The following TSPAN18 variants were observed in gnomAD, a reference collection of about 807,000 sequenced individuals.
TSPAN18 encodes tetraspanin-18.
A neutral mutation model predicts 27.3 loss-of-function variants in TSPAN18; 14 were observed. The observed-to-expected ratio is 0.51, with a 90% confidence interval of 0.34 to 0.80. TSPAN18 has a LOEUF of 0.80. TSPAN18 is among the 30% of genes least tolerant of loss of function. TSPAN18 has a pLI of 0.01. For missense variants in TSPAN18, 268 were observed against 323.9 expected, an observed-to-expected ratio of 0.83 and a Z score of 1.32; for synonymous variants, 143 against 136.5, an observed-to-expected ratio of 1.05 and a Z score of -0.33.
At chr11:44,824,826 C>T (rs1344127261) in intron 2 of TSPAN18, among the ~76,000 whole-genome samples, 1 of 152,224 alleles carries the variant, frequency 6.6e-6, no homozygotes, top group African/African-American at 2.4e-5. Context: ...GTGTCTGATG[C>T]TTCTGCGGGG....
chr11:44,903,320 A>G (rs1490511423), intron 3 of TSPAN18: 1 of 428,084 alleles, frequency 2.3e-6, no homozygotes, highest in Non-Finnish European at 4.7e-6. Flanking sequence ...AGGGATCAGC[A>G]TGAGCAGAGG....
chr11:44,894,978 G>A (rs571308894), intron 3 of TSPAN18, among the ~76,000 whole-genome samples: 22 of 152,296 alleles, frequency 1.4e-4, no homozygotes, highest in Admixed American at 5.2e-4. Context: ...GAACTCAGAC[G>A]AGTTAGTTAC....
At chr11:44,734,106 C>T (rs955225958) in intron 1 of TSPAN18, among the ~76,000 whole-genome samples, 1 of 152,126 alleles carries the variant, frequency 6.6e-6, no homozygotes, top group African/African-American at 2.4e-5. Context: ...CCTCTCACCA[C>T]ATGATCTCTG....
At chr11:44,865,619 G>A (rs1295403456) in intron 3 of TSPAN18, among the ~76,000 whole-genome samples, 1 of 152,184 alleles carries the variant, frequency 6.6e-6, no homozygotes, top group Non-Finnish European at 1.5e-5. Context: ...AACCCCATCA[G>A]TCCCTTTTCC....
At chr11:44,912,841 CAT>C (rs746630123) in intron 5 of TSPAN18, among the ~76,000 whole-genome samples, 9 of 149,138 alleles carry the variant, frequency 6.0e-5, no homozygotes, top group Non-Finnish European at 8.9e-5. Flanking sequence ...GCATGGGTGT[CAT>C]GTGTGCGTGG....
At chr11:44,908,297 C>T (rs78168012) in intron 4 of TSPAN18, among the ~76,000 whole-genome samples, 1,900 of 152,202 alleles carry the variant, frequency 0.012, 15 homozygotes, top group Middle Eastern at 0.024. Context: ...GCCCAGCTGT[C>T]AACCCTCACA....
intron 2 of TSPAN18, among the ~76,000 whole-genome samples, chr11:44,819,332 G>C (rs1856879331): frequency 6.6e-6 from 1 of 152,184 alleles, no homozygotes. Context: ...CTTGACTTCT[G>C]AGGAATAGAT....
At chr11:44,802,200 G>A (rs1191525440) in intron 2 of TSPAN18, among the ~76,000 whole-genome samples, 7 of 151,920 alleles carry the variant, frequency 4.6e-5, no homozygotes, top group Non-Finnish European at 7.4e-5. Context: ...AGTGGAATAC[G>A]GCAGCCCCTG....
chr11:44,833,729 G>A (rs561327865), intron 2 of TSPAN18, among the ~76,000 whole-genome samples: 3 of 151,896 alleles, frequency 2.0e-5, no homozygotes, highest in Non-Finnish European at 4.4e-5. Context: ...AGAAGATGCC[G>A]GCAACTGCAG....
intron 4 of TSPAN18, among the ~76,000 whole-genome samples, chr11:44,908,928 T>C (rs1859606817): frequency 6.6e-6 from 1 of 152,196 alleles, no homozygotes; most frequent in African/African-American, 2.4e-5. Flanking sequence ...AGTCTTCTTT[T>C]GACCACAAGG....
intron 2 of TSPAN18, among the ~76,000 whole-genome samples, chr11:44,808,721 A>G (rs1311410547): frequency 1.3e-5 from 2 of 152,162 alleles, no homozygotes; most frequent in Non-Finnish European, 2.9e-5. Flanking sequence ...GTTTCTTGGA[A>G]ATTGATATTC....
chr11:44,913,087 A>G (rs1193604103), intron 5 of TSPAN18, among the ~76,000 whole-genome samples: 1 of 152,222 alleles, frequency 6.6e-6, no homozygotes, highest in African/African-American at 2.4e-5. Context: ...CGAAGAGGGC[A>G]TGGAGCCTCA....
At chr11:44,905,170 C>T (rs1311786308) in intron 3 of TSPAN18, among the ~76,000 whole-genome samples, 1 of 152,084 alleles carries the variant, frequency 6.6e-6, no homozygotes, top group Non-Finnish European at 1.5e-5. Flanking sequence ...CTCCCAGAAA[C>T]CCTTTGAGTC....
intron 3 of TSPAN18, among the ~76,000 whole-genome samples, chr11:44,861,875 G>T (rs1301577041): frequency 6.7e-6 from 1 of 150,148 alleles, no homozygotes; most frequent in African/African-American, 2.5e-5. Flanking sequence ...GGTACTTCAC[G>T]TTCCAAAAAG....
rs1208195764 is a variant in TSPAN18 at position 44,919,958 on chromosome 11, G to A, written c.574G>A (p.Glu192Lys). 6.2e-7 allele frequency: 1 copy of A among 1,614,172 alleles called. No individual in the cohort carries two copies. The highest frequency in any genetic ancestry group is 2.2e-5 in the East Asian group (1 of 44,886). The change falls in exon 8 of 10, where the codon GAG becomes AAG. Residue 192 changes from glutamate (E) to lysine (K), a missense_variant. By Grantham distance (56) the Glu-to-Lys change is moderately conservative. Transcript: ENST00000520358. ...TCGGGACGGGGTCCTGCTGAGCCGG[G>A]AGGAGTGCCTCCTGGGAAGGAGCCT... ...QSRDGVLLSR[E>K]ECLLGRSLFL...
At chr11:44,836,247 A>C (rs1046747978) in intron 2 of TSPAN18, among the ~76,000 whole-genome samples, 2 of 152,238 alleles carry the variant, frequency 1.3e-5, no homozygotes, top group Admixed American at 6.5e-5. Context: ...AGGAAATTAA[A>C]AGTGCTACTC....
At chr11:44,850,610 G>A (rs1053275697) in intron 2 of TSPAN18, among the ~76,000 whole-genome samples, 2 of 152,130 alleles carry the variant, frequency 1.3e-5, no homozygotes, top group Non-Finnish European at 2.9e-5. Flanking sequence ...TAATAGCAAT[G>A]GGCCTTCTCC....
upstream of TSPAN18, chr11:44,726,594 G>C (rs1854507258): frequency 6.6e-6 from 1 of 151,974 alleles, no homozygotes; most frequent in Non-Finnish European, 1.5e-5. Flanking sequence ...TGGGCCCCGG[G>C]GTCAGCTGAA....
intron 2 of TSPAN18, among the ~76,000 whole-genome samples, chr11:44,804,032 C>T (rs766248915): frequency 3.9e-5 from 6 of 152,196 alleles, no homozygotes; most frequent in Non-Finnish European, 7.3e-5. Context: ...GTTTATCAGA[C>T]TACATTGCTG....
Sources: gnomAD v4.1 joint callset for allele counts (sites outside exome capture counted in the v4.1 genomes callset) on GRCh38, gnomAD v4.1.1 for gene constraint, MANE v1.5 for transcripts, NCBI Gene and HGNC (gene_info 2026-07-23, HGNC 2026-07-21) for gene names.